The following TECR variants were observed in gnomAD, a reference collection of about 807,000 sequenced individuals.
TECR encodes trans-2,3-enoyl-CoA reductase.
In TECR, 19 loss-of-function variants were observed where a neutral mutation model predicts 50.6. The ratio of observed to expected loss-of-function variants is 0.38; its 90% CI spans 0.26 to 0.55. TECR has a LOEUF of 0.55. Ranked by LOEUF, TECR falls within the 20% of genes least tolerant of loss-of-function variation. The pLI is 0.79. For synonymous variants in TECR, 168 were observed against 163.5 expected, an observed-to-expected ratio of 1.03 and a Z score of -0.21; for missense variants, 313 against 408.3, an observed-to-expected ratio of 0.77 and a Z score of 2.01.
intron 1 of TECR, among the ~76,000 whole-genome samples, chr19:14,544,814 G>A (rs894097058): frequency 2.6e-4 from 40 of 152,052 alleles, no homozygotes; most frequent in African/African-American, 8.0e-4. Flanking sequence ...AAAATTTTCT[G>A]TAGAGATGGG....
At chr19:14,541,587 A>G (rs2073099405) in intron 1 of TECR, among the ~76,000 whole-genome samples, 1 of 152,130 alleles carries the variant, frequency 6.6e-6, no homozygotes, top group Admixed American at 6.6e-5. Flanking sequence ...TCTGTCCTCA[A>G]GATCTTTTCA....
intron 1 of TECR, among the ~76,000 whole-genome samples, chr19:14,534,553 A>T (rs570424029): frequency 6.9e-6 from 1 of 144,848 alleles, no homozygotes; most frequent in African/African-American, 2.6e-5. Flanking sequence ...TTCCTGCCTC[A>T]GCCTCCCAAG....
intron 1 of TECR, among the ~76,000 whole-genome samples, chr19:14,535,560 A>ATATATATG (rs2072857421): frequency 4.6e-5 from 1 of 21,854 alleles, no homozygotes; most frequent in African/African-American, 1.7e-4. Context: ...ATATATATAT[A>ATATATATG]TATATATATA....
At chr19:14,562,380 G>A in intron 1 of TECR, 145 bp from the exon 2 acceptor site, 2 of 825,408 alleles carry the variant, frequency 2.4e-6, no homozygotes, top group Non-Finnish European at 4.1e-6. Flanking sequence ...GAGTGGCAGG[G>A]CTGGTGGCAG....
At chr19:14,537,917 T>C (rs889122585) in intron 1 of TECR, among the ~76,000 whole-genome samples, 23 of 152,114 alleles carry the variant, frequency 1.5e-4, no homozygotes, top group Non-Finnish European at 3.4e-4. Context: ...GGCTAGTTTT[T>C]GTATTTTTAG....
Position 14,563,483 on chromosome 19 carries a change from C to T in TECR, c.119-175C>T. 1 of 912,252 alleles carries T rather than the reference C, an allele frequency of 1.1e-6. No homozygotes were observed. Among genetic ancestry groups the T allele is most frequent in the Non-Finnish European group, 1.7e-6 (1 of 583,666 alleles). The allele number at this position is 912,252 out of a possible 1,614,324, so 56.5% of individuals were successfully genotyped here. ...AGATCCTGCTTCTGCCCGCGCTCTT[C>T]TGGCTTGTGTCCTGAAACCGCACAA... On this transcript the variant is annotated intron_variant, in intron 3 of 12. Coordinates refer to ENST00000215567, the MANE Select transcript of TECR (RefSeq NM_138501.6). The surrounding 1 kb of genome is among the most constrained non-coding windows in gnomAD (Gnocchi z 5.3).
intron 1 of TECR, among the ~76,000 whole-genome samples, chr19:14,555,023 C>T (rs2073668913): frequency 6.6e-6 from 1 of 151,554 alleles, no homozygotes; most frequent in Non-Finnish European, 1.5e-5. Context: ...GTGATCTGCC[C>T]ACGTCCGCCT....
At chr19:14,564,738 C>G in intron 7 of TECR, 48 bp from the exon 8 acceptor site, 3 of 1,569,972 alleles carry the variant, frequency 1.9e-6, no homozygotes, top group South Asian at 2.2e-5. Context: ...CAGCATCTGC[C>G]TTGTCCGGTG....
At chr19:14,542,898 C>T (rs1308349509) in intron 1 of TECR, among the ~76,000 whole-genome samples, 1 of 152,064 alleles carries the variant, frequency 6.6e-6, no homozygotes, top group Non-Finnish European at 1.5e-5. Context: ...CTGCTCGAAT[C>T]AGGCTCTTAC....
intron 10 of TECR, 25 bp downstream of exon 10, chr19:14,565,148 G>A (rs749589925): frequency 6.2e-7 from 1 of 1,613,692 alleles, no homozygotes; most frequent in African/African-American, 1.3e-5. Context: ...GGGGCAGGGG[G>A]ACAGCTGGGC....
intron 1 of TECR, among the ~76,000 whole-genome samples, chr19:14,543,748 T>A (rs1158655908): frequency 6.8e-6 from 1 of 148,020 alleles, no homozygotes; most frequent in African/African-American, 2.5e-5. Flanking sequence ...ATATATATAT[T>A]TTTAAATTGA....
chr19:14,561,557 T>C (rs1023792334), intron 1 of TECR, among the ~76,000 whole-genome samples: 1 of 152,114 alleles, frequency 6.6e-6, no homozygotes, highest in Non-Finnish European at 1.5e-5. Flanking sequence ...CGCCGGGCTT[T>C]AGTGGGGCGC....
At chr19:14,551,644 C>T (rs2073509527) in intron 1 of TECR, among the ~76,000 whole-genome samples, 1 of 152,028 alleles carries the variant, frequency 6.6e-6, no homozygotes, top group Non-Finnish European at 1.5e-5. Flanking sequence ...CAGCTGTAAA[C>T]CCTGCCTGGG....
At chr19:14,548,045 C>T (rs139423534) in intron 1 of TECR, among the ~76,000 whole-genome samples, 17 of 151,430 alleles carry the variant, frequency 1.1e-4, no homozygotes, top group South Asian at 6.3e-4. Flanking sequence ...TTCACTGCCA[C>T]CTCTGCCTCC....
chr19:14,542,347 G>GTTTTTTTTT (rs71166754), intron 1 of TECR, among the ~76,000 whole-genome samples: 3,302 of 43,274 alleles, frequency 0.076, 813 homozygotes, highest in Non-Finnish European at 0.12. Flanking sequence ...ATGCCATAGT[G>GTTTTTTTTT]TTTTTTTTTT....
chr19:14,563,953 T>G lies in TECR; in HGVS notation c.268-29T>G. On this transcript the variant is annotated intron_variant, in intron 5 of 12. Transcript: ENST00000215567. The surrounding 1 kb of genome is among the most constrained non-coding windows in gnomAD (Gnocchi z 5.3). ...CTCTTTTCCCGTCAGCCACGTTGGG[T>G]GACTCATCTTGCCCCCCTCTACTCT... 1 of 1,613,930 alleles carries G rather than the reference T, an allele frequency of 6.2e-7. No individual in the cohort carries two copies.
In TECR at chr19:14,565,108, G is replaced by T; in HGVS notation, c.649G>T (p.Asp217Tyr). Residue 217 changes from aspartate (D) to tyrosine (Y), a missense_variant, in exon 10 of 13, where the codon GAC becomes TAC. Asp to Tyr is a radical substitution (Grantham distance 160). Coordinates refer to ENST00000215567, the MANE Select transcript of TECR (RefSeq NM_138501.6). ...GNFSIHMALR[D>Y]LRPAGSKTRK... ...CTTCTCCATCCACATGGCCCTGCGG[G>T]ACCTGCGGCCCGCTGGTGAGTGCCT... 6.2e-7 allele frequency: 1 copy of T among 1,613,864 alleles called. No individual in the cohort carries two copies.
At chr19:14,564,710 C>G (rs1368496402) in intron 7 of TECR, 76 bp from the exon 8 acceptor site, 10 of 1,508,972 alleles carry the variant, frequency 6.6e-6, no homozygotes, top group Non-Finnish European at 9.2e-6. Flanking sequence ...TCCCAGGCCC[C>G]TCGGGATGAG....
chr19:14,556,053 C>T (rs1267850335), intron 1 of TECR, among the ~76,000 whole-genome samples: 1 of 152,212 alleles, frequency 6.6e-6, no homozygotes, highest in South Asian at 2.1e-4. Context: ...GCTGCCACTT[C>T]ACTCAGAGTA....
Sources: gnomAD v4.1 joint callset for allele counts (sites outside exome capture counted in the v4.1 genomes callset) on GRCh38, gnomAD v4.1.1 for gene constraint, Gnocchi (gnomAD v3.1) non-coding constraint, MANE v1.5 for transcripts, NCBI Gene and HGNC (gene_info 2026-07-23, HGNC 2026-07-21) for gene names.